EZH1: variants seen among roughly 807,000 people sequenced by gnomAD.
The protein encoded by EZH1 is histone-lysine N-methyltransferase EZH1.
Under a neutral mutation model 100.5 loss-of-function variants are expected in EZH1, and 33 were observed. The ratio of observed to expected loss-of-function variants is 0.33; its 90% confidence interval spans 0.25 to 0.44. EZH1 has a LOEUF of 0.44. Among genes scored for constraint, EZH1 ranks in the 20% least tolerant of loss-of-function variants. The probability of loss-of-function intolerance (pLI) is 1.00; values close to 1 mark genes in which losing one functional copy is unlikely to be tolerated. For synonymous variants in EZH1, 272 were observed against 313.8 expected (o/e 0.87, Z 1.41); for missense variants, 475 against 928.4 (o/e 0.51, Z 6.35).
At chr17:42,736,921 A>G (rs1272225784) in intron 1 of EZH1, among the ~76,000 whole-genome samples, 1 of 152,144 alleles carries the variant, frequency 6.6e-6, no homozygotes, top group Non-Finnish European at 1.5e-5. Flanking sequence ...AAATAACTGC[A>G]TATGATTCCA....
intron 12 of EZH1, 133 bp from the exon 13 acceptor site, chr17:42,710,070 GAC>G: frequency 1.4e-6 from 1 of 693,264 alleles, no homozygotes. Context: ...GTCAGGGAGA[GAC>G]AGAGTGCCAC....
chr17:42,715,771 C>T (rs749238893), intron 10 of EZH1, among the ~76,000 whole-genome samples: 7 of 151,928 alleles, frequency 4.6e-5, no homozygotes, highest in Non-Finnish European at 7.4e-5. Context: ...ATAACAAGGC[C>T]GGGCGCCTTA....
At chr17:42,711,680 T>A (rs2143748921) in intron 12 of EZH1, among the ~76,000 whole-genome samples, 1 of 149,008 alleles carries the variant, frequency 6.7e-6, no homozygotes, top group South Asian at 2.1e-4. Flanking sequence ...CATACTGGCC[T>A]GCACCTGTAG....
intron 1 of EZH1, among the ~76,000 whole-genome samples, chr17:42,740,810 A>G (rs1337931570): frequency 6.6e-6 from 1 of 152,204 alleles, no homozygotes; most frequent in African/African-American, 2.4e-5. Context: ...TTTTGAATCA[A>G]ATTATTCGGG....
chr17:42,703,706 C>T (rs1333011413), intron 19 of EZH1, 34 bp downstream of exon 19: 3 of 1,488,744 alleles, frequency 2.0e-6, no homozygotes, highest in East Asian at 2.3e-5. Flanking sequence ...AGGCATCCAT[C>T]CCCCACCCCA....
Position 42,727,626 on chromosome 17 carries a change from C to A in EZH1, c.246+9G>T. On this transcript the variant is annotated intron_variant, in intron 4 of 20. Coordinates refer to ENST00000428826, the MANE Select transcript of EZH1 (RefSeq NM_001991.5). The stretch of plus-strand genomic sequence containing the variant: ...GAGAGGAAGACTGAGCTTAAACTCC[C>A]AAAAGTACCTTTTTGAGAAAAGGGT... The A allele has an allele frequency of 1.9e-6, 3 of 1,605,004 alleles. No individual in the cohort carries two copies. Among genetic ancestry groups the A allele is most frequent in the Non-Finnish European group, 1.7e-6 (2 of 1,175,356 alleles).
At chr17:42,738,973 G>A (rs1329445274) in intron 1 of EZH1, among the ~76,000 whole-genome samples, 2 of 147,036 alleles carry the variant, frequency 1.4e-5, no homozygotes, top group Non-Finnish European at 3.0e-5. Flanking sequence ...GGCCAGGATG[G>A]TCTCCATCTC....
intron 12 of EZH1, among the ~76,000 whole-genome samples, chr17:42,711,879 G>A (rs1331445958): frequency 8.9e-6 from 1 of 112,500 alleles, no homozygotes; most frequent in Non-Finnish European, 1.8e-5. Flanking sequence ...GGCTGGCGGA[G>A]TGGTGGAGGG....
At chr17:42,708,122 A>G (rs777909792) in intron 14 of EZH1, 39 bp from the exon 15 acceptor site, 13 of 1,546,418 alleles carry the variant, frequency 8.4e-6, no homozygotes, top group Non-Finnish European at 1.1e-5. Context: ...CTGTGACCAT[A>G]CTCTCCAGCT....
intron 2 of EZH1, among the ~76,000 whole-genome samples, chr17:42,730,560 G>T (rs368236262): frequency 1.5e-5 from 2 of 132,084 alleles, no homozygotes; most frequent in African/African-American, 5.7e-5. Context: ...GCAGTGGCGC[G>T]ATCTCGGCTC....
chr17:42,705,982 G>A (rs1212649775), intron 16 of EZH1, 25 bp downstream of exon 16: 4 of 1,590,314 alleles, frequency 2.5e-6, no homozygotes, highest in Admixed American at 1.7e-5. Context: ...TTTATGTGGT[G>A]TGGGGTCCTG....
intron 11 of EZH1, among the ~76,000 whole-genome samples, chr17:42,712,896 G>T (rs1477372123): frequency 1.3e-5 from 2 of 151,918 alleles, no homozygotes; most frequent in Non-Finnish European, 2.9e-5. Flanking sequence ...AAATTAGCCG[G>T]GCGTGGTGGC....
chr17:42,734,227 A>G (rs962365625), intron 1 of EZH1, among the ~76,000 whole-genome samples: 16 of 151,776 alleles, frequency 1.1e-4, no homozygotes, highest in Non-Finnish European at 1.5e-4. Context: ...TTTAGTAGAG[A>G]CAAGGTTTCA....
chr17:42,739,835 G>C (rs1231922662), intron 1 of EZH1, among the ~76,000 whole-genome samples: 1 of 151,372 alleles, frequency 6.6e-6, no homozygotes, highest in Non-Finnish European at 1.5e-5. Context: ...CCAGGCTGGA[G>C]TGCAGTGGCG....
At position 42,705,130 on chromosome 17, in the gene EZH1, C is replaced by T. The variant is rs2053325989; in HGVS notation, c.1893G>A (p.Glu631=). The T allele has an allele frequency of 6.2e-7, 1 of 1,613,664 alleles. No homozygotes were observed. Among genetic ancestry groups the T allele is most frequent in the African/African-American group, 1.3e-5 (1 of 74,938 alleles). Residue 631 remains glutamate, a synonymous_variant, in exon 17 of 21, where the codon GAG becomes GAA. Coordinates refer to ENST00000428826, the MANE Select transcript of EZH1 (RefSeq NM_001991.5). ...DVAGWGTFIK[E]SVQKNEFISE... The stretch of plus-strand genomic sequence containing the variant: ...AAATGAATTCGTTCTTCTGCACAGA[C>T]TCCTTTATGAAGGTGCCCCATCCGG...
In EZH1 at chr17:42,737,236, T is replaced by C. The variant is rs376527416; in HGVS notation, c.-102-6318A>G. 2.8e-3 allele frequency among the ~76,000 whole-genome samples: 419 copies of C among 152,308 alleles called. 2 individuals carry two copies. Among genetic ancestry groups the C allele is most frequent in the South Asian group, 0.019 (92 of 4,826 alleles). On this transcript the variant is annotated intron_variant, in intron 1 of 20. Coordinates refer to ENST00000428826, the MANE Select transcript of EZH1 (RefSeq NM_001991.5). ...CCTGACCTCAGGTGATCCACCCGCC[T>C]TGGCCTCCCAAAGTGCTGGGATTAC... is the stretch of plus-strand genomic sequence containing the variant.
intron 1 of EZH1, among the ~76,000 whole-genome samples, chr17:42,737,715 G>A (rs746013179): frequency 3.3e-5 from 5 of 151,876 alleles, no homozygotes; most frequent in Admixed American, 2.6e-4. Context: ...TTGGAAATAC[G>A]AACCACTTTA....
rs137955227 is a variant in EZH1, at chr17:42,734,071, G to A, written c.-102-3153C>T. 3.8e-4 allele frequency among the ~76,000 whole-genome samples: 56 copies of A among 147,136 alleles called. No homozygotes were observed. The East Asian group carries it at 0.01, about 27-fold the overall frequency. On this transcript the variant is annotated intron_variant, in intron 1 of 20. Transcript: ENST00000428826. ...ATGGATTTTTTTTTTTTTTTGAGACGGAGTCTCGCTCTGTCACCCAAGCTG... is the reference window on the plus strand; with the variant it reads ...ATGGATTTTTTTTTTTTTTTGAGACAGAGTCTCGCTCTGTCACCCAAGCTG...
Position 42,724,376 on chromosome 17 carries a change from T to A in EZH1, c.295A>T (p.Met99Leu). Residue 99 changes from methionine to leucine, a missense_variant, in exon 5 of 21, where the codon ATG becomes TTG. Physicochemically the swap from Met to Leu is conservative, Grantham distance 15 (BLOSUM62 2). This residue lies in a region of EZH1 where 105 missense variants were observed against 129.8 expected (regional missense o/e 0.81). Coordinates refer to ENST00000428826, the MANE Select transcript of EZH1 (RefSeq NM_001991.5). Reference protein sequence around the residue: ...FPGFASQHMLMRSLNTVALVP... With the variant: ...FPGFASQHMLLRSLNTVALVP... ...AATGCAACTGTGTTCAGTGACCTCA[T>A]TAACATATGTTGGCTTGCAAATCCC... The A allele has an allele frequency of 6.2e-7, 1 of 1,614,124 alleles. No homozygotes were observed. The highest frequency in any genetic ancestry group is 8.5e-7 in the Non-Finnish European group (1 of 1,179,992).
Sources: gnomAD v4.1 joint callset for allele counts (sites outside exome capture counted in the v4.1 genomes callset) on GRCh38, gnomAD v4.1.1 for gene constraint, gnomAD v4.1.1 regional missense constraint, MANE v1.5 for transcripts, NCBI Gene and HGNC (gene_info 2026-07-23, HGNC 2026-07-21) for gene names.